Variants in APBA1 observed in about 807,000 individuals in gnomAD.
APBA1 encodes the protein amyloid-beta A4 precursor protein-binding family A member 1.
A neutral mutation model predicts 86.6 loss-of-function variants in APBA1; 55 were observed. The observed-to-expected ratio is 0.64, with a 90% CI of 0.51 to 0.80. APBA1 has a LOEUF of 0.80. Ranked by LOEUF, APBA1 falls within the 30% of genes least tolerant of loss-of-function variation. The probability of loss-of-function intolerance (pLI) is 0.00; values close to 1 mark genes in which losing one functional copy is unlikely to be tolerated. For synonymous variants in APBA1, 511 were observed against 493.9 expected (o/e 1.03, Z -0.46); for missense variants, 1,090 against 1,183.0 (o/e 0.92, Z 1.15).
chr9:69,513,064 T>C (rs1490886398), intron 2 of APBA1, among the ~76,000 whole-genome samples: 1 of 152,202 alleles, frequency 6.6e-6, no homozygotes, highest in Non-Finnish European at 1.5e-5. Context: ...ACAAATAGCT[T>C]AAAAATGACT....
At position 69,449,658 on chromosome 9, in the gene APBA1, C is replaced by T. The variant is rs1834968165; in HGVS notation, c.2107G>A (p.Gly703Ser). ...PAEKSGKLNI[G>S]DQIMSINGTS... ...CCATTAATGGACATGATCTGGTCACCGATATTCAGCTTCCCAGATTTCTCC... is the reference window on the plus strand; with the variant it reads ...CCATTAATGGACATGATCTGGTCACTGATATTCAGCTTCCCAGATTTCTCC... Residue 703 changes from glycine (G) to serine (S), a missense_variant, in exon 10 of 13, where the codon GGT becomes AGT. By Grantham distance (56) the Gly-to-Ser change is moderately conservative. Transcript: ENST00000265381. 6.2e-7 allele frequency: 1 copy of T among 1,613,980 alleles called. No individual in the cohort carries two copies. Among genetic ancestry groups the T allele is most frequent in the Non-Finnish European group, 8.5e-7 (1 of 1,180,020 alleles).
In APBA1 at chr9:69,629,613, T is replaced by C. The variant is rs148064602; in HGVS notation, c.-70+42540A>G. On this transcript the variant is annotated intron_variant, in intron 1 of 12. Coordinates refer to ENST00000265381, the MANE Select transcript of APBA1 (RefSeq NM_001163.4). Reference sequence around the variant, plus strand: ...CTGACAGTCCAGATTGACAGTCAGCTGTGCTTCAGGCAAGCCAAAGGTCTA... The same window carrying C: ...CTGACAGTCCAGATTGACAGTCAGCCGTGCTTCAGGCAAGCCAAAGGTCTA... Among the ~76,000 whole-genome samples the C allele has an allele frequency of 9.8e-5, 15 of 152,318 alleles. No homozygotes were observed. In the East Asian group the frequency reaches 2.9e-3, roughly 29 times the overall value.
At chr9:69,446,885 CA>C (rs1456384637) in intron 10 of APBA1, among the ~76,000 whole-genome samples, 1 of 152,230 alleles carries the variant, frequency 6.6e-6, no homozygotes, top group Non-Finnish European at 1.5e-5. Context: ...GCCCAGGCCC[CA>C]TCCCCACCTT....
chr9:69,560,888 T>C (rs1031617198), intron 1 of APBA1, among the ~76,000 whole-genome samples: 2 of 152,212 alleles, frequency 1.3e-5, no homozygotes, highest in Non-Finnish European at 2.9e-5. Context: ...ACCTGTATTA[T>C]TAAACATTGC....
Position 69,471,469 on chromosome 9 carries a change from G to A in APBA1, c.1336+187C>T, listed in dbSNP as rs148657012. Among the ~76,000 whole-genome samples, 669 of 152,300 alleles carry A rather than the reference G, an allele frequency of 4.4e-3. 9 individuals are homozygous for A. Among genetic ancestry groups the A allele is most frequent in the East Asian group, 0.035 (181 of 5,178 alleles). On this transcript the variant is annotated intron_variant, in intron 4 of 12. Transcript: ENST00000265381. ...TCCACATAATGAGCAAAGACGTGAG[G>A]AGGATTTCTGAGAGGCTCCCAGCTA... is the stretch of plus-strand genomic sequence containing the variant.
At chr9:69,659,257 T>C (rs1177474751) in intron 1 of APBA1, among the ~76,000 whole-genome samples, 1 of 152,014 alleles carries the variant, frequency 6.6e-6, no homozygotes, top group East Asian at 1.9e-4. Context: ...GTGATCAACA[T>C]AAACAAAAAG....
chr9:69,457,593 G>A (rs566345606), intron 6 of APBA1, among the ~76,000 whole-genome samples: 1 of 152,226 alleles, frequency 6.6e-6, no homozygotes, highest in Admixed American at 6.5e-5. Context: ...TGCAGTTCTG[G>A]TAAGAGGGTC....
chr9:69,581,362 AT>A (rs2133956737), intron 1 of APBA1, among the ~76,000 whole-genome samples: 1 of 148,594 alleles, frequency 6.7e-6, no homozygotes, highest in East Asian at 2.0e-4. Context: ...ATTCAGAAAT[AT>A]TAGCTCACTA....
In APBA1 at chr9:69,516,982, G is replaced by C; in HGVS notation, c.229C>G (p.Arg77Gly). The C allele has an allele frequency of 6.3e-7, 1 of 1,586,892 alleles. No homozygotes were observed. Among genetic ancestry groups the C allele is most frequent in the Non-Finnish European group, 8.5e-7 (1 of 1,173,552 alleles). The change falls in exon 2 of 13, where the codon CGC becomes GGC. Residue 77 changes from arginine (R) to glycine (G), a missense_variant. Arg to Gly is a moderately radical substitution (Grantham distance 125). This residue lies in a region of APBA1 where 678 missense variants were observed against 647.1 expected (regional missense o/e 1.05). Coordinates refer to ENST00000265381, the MANE Select transcript of APBA1 (RefSeq NM_001163.4). This position sits in a 1 kb window ranked among gnomAD's most constrained non-coding sequence, Gnocchi z 7.3. The part of the protein sequence containing the change: ...EEEERGECLA[R>G]SASTESGFHN... The stretch of plus-strand genomic sequence containing the variant: ...AAGCCGCTCTCCGTGCTGGCTGAGC[G>C]CGCCAGGCATTCCCCGCGCTCCTCT...
intron 11 of APBA1, 51 bp downstream of exon 11, chr9:69,440,945 A>C: frequency 6.3e-7 from 1 of 1,591,438 alleles, no homozygotes; most frequent in South Asian, 1.1e-5. Context: ...GCCATGCTAC[A>C]TTTTTATTTG....
At chr9:69,450,194 C>T (rs1834983349) in intron 9 of APBA1, among the ~76,000 whole-genome samples, 1 of 151,800 alleles carries the variant, frequency 6.6e-6, no homozygotes, top group Non-Finnish European at 1.5e-5. Flanking sequence ...CCCCCTCCCA[C>T]AGTGCTTCCC....
chr9:69,581,096 C>A (rs540189469), intron 1 of APBA1, among the ~76,000 whole-genome samples: 3 of 152,126 alleles, frequency 2.0e-5, no homozygotes, highest in Non-Finnish European at 2.9e-5. Flanking sequence ...GGCGTCATCT[C>A]CAGACACCCT....
chr9:69,449,345 AAAG>A (rs1213347550), intron 10 of APBA1, among the ~76,000 whole-genome samples: 5 of 152,222 alleles, frequency 3.3e-5, no homozygotes, highest in Non-Finnish European at 5.9e-5. Context: ...CTGCTATCAG[AAAG>A]TAGTGTCATG....
At chr9:69,523,477 GTATATATATATATA>G (rs1163577400) in intron 1 of APBA1, among the ~76,000 whole-genome samples, 5 of 80,632 alleles carry the variant, frequency 6.2e-5, no homozygotes, top group African/African-American at 1.1e-4. Context: ...ATATATATAT[GTATATATATATATA>G]TATATGTATA....
intron 1 of APBA1, among the ~76,000 whole-genome samples, chr9:69,636,986 A>AG (rs1564099107): frequency 0.018 from 2,196 of 122,146 alleles, 283 homozygotes; most frequent in South Asian, 0.031. Context: ...AAAGAAAGAA[A>AG]AATGTGATAC....
chr9:69,657,047 G>T (rs904126770), intron 1 of APBA1, among the ~76,000 whole-genome samples: 5 of 151,670 alleles, frequency 3.3e-5, no homozygotes, highest in Admixed American at 6.6e-5. Flanking sequence ...GGGTTTCACC[G>T]TGTTAGCCAG....
chr9:69,522,684 G>T (rs1431017278), intron 1 of APBA1, among the ~76,000 whole-genome samples: 1 of 152,162 alleles, frequency 6.6e-6, no homozygotes, highest in Non-Finnish European at 1.5e-5. Flanking sequence ...GACAACAATT[G>T]TAACACCTTG....
chr9:69,646,649 C>A (rs1192071510), intron 1 of APBA1, among the ~76,000 whole-genome samples: 1 of 152,176 alleles, frequency 6.6e-6, no homozygotes, highest in Non-Finnish European at 1.5e-5. Context: ...TGCTCTCCTG[C>A]AGGTAAGTTA....
chr9:69,635,660 C>T (rs1321803743), intron 1 of APBA1, among the ~76,000 whole-genome samples: 1 of 151,916 alleles, frequency 6.6e-6, no homozygotes, highest in Non-Finnish European at 1.5e-5. Context: ...AAAGATACTC[C>T]ATGTAAATGG....
Sources: allele counts gnomAD v4.1 joint callset (sites outside exome capture counted in the v4.1 genomes callset), GRCh38; gene constraint gnomAD v4.1.1; regional missense constraint gnomAD v4.1.1; non-coding constraint Gnocchi (gnomAD v3.1); transcripts MANE v1.5; gene names NCBI Gene and HGNC (gene_info 2026-07-23, HGNC 2026-07-21).